The following R3HDM1 variants were observed in gnomAD, a reference collection of about 807,000 sequenced individuals.
The protein encoded by R3HDM1 is R3H domain containing 1, also known as R3H domain-containing protein 1.
A neutral mutation model predicts 141.1 loss-of-function variants in R3HDM1; 46 were observed. That is an observed-to-expected ratio of 0.33 (90% CI 0.26 to 0.42). The LOEUF is 0.42. Ranked by LOEUF, R3HDM1 falls within the 10% of genes least tolerant of loss-of-function variation. The pLI, the probability that R3HDM1 is intolerant of heterozygous loss-of-function variation, is 1.00. For missense variants in R3HDM1, 1,184 were observed against 1,368.3 expected, an observed-to-expected ratio of 0.87 and a Z score of 2.12; for synonymous variants, 435 against 472.9, an observed-to-expected ratio of 0.92 and a Z score of 1.04.
intron 20 of R3HDM1, 110 bp from the exon 21 acceptor site, chr2:135,680,063 G>C (rs895335755): frequency 9.9e-5 from 113 of 1,143,638 alleles, no homozygotes; most frequent in Admixed American, 4.4e-5. Context: ...CTGGGCAACA[G>C]AGCAAGAATT....
In R3HDM1 at chr2:135,643,015, A is replaced by G. The variant is rs75070503; in HGVS notation, c.1474+1225A>G. ...TCCTATTATTTTTCATTCAAAACAT[A>G]ATATGGTTTTGGTAACATGAAAGAT... On this transcript the variant is annotated intron_variant, in intron 15 of 26. Transcript: ENST00000683871. 1.8e-4 allele frequency among the ~76,000 whole-genome samples: 28 copies of G among 152,292 alleles called. 1 individual carries two copies. The East Asian group carries it at 5.4e-3, about 29-fold the overall frequency.
chr2:135,605,229 G>T, intron 3 of R3HDM1: 1 of 320,592 alleles, frequency 3.1e-6, no homozygotes, highest in Non-Finnish European at 5.7e-6. Context: ...TTTGTATGTG[G>T]CTAGTGCATT....
chr2:135,702,946 G>A lies in R3HDM1; in HGVS notation c.2460-6487G>A, dbSNP rs1455064782. Among the ~76,000 whole-genome samples the A allele has an allele frequency of 6.8e-4, 104 of 152,122 alleles. 1 individual carries two copies. Among genetic ancestry groups the A allele is most frequent in the Non-Finnish European group, 1.6e-4 (11 of 68,026 alleles). On this transcript the variant is annotated intron_variant, in intron 21 of 26. Transcript: ENST00000683871. ...AGCAGGTGTTTTCTATCACTTCATT[G>A]ACCCACTAAAGTGCTGTCTCTAACA...
intron 19 of R3HDM1, chr2:135,670,528 A>C (rs1375886732): frequency 1.9e-6 from 1 of 525,188 alleles, no homozygotes; most frequent in African/African-American, 2.1e-5. Context: ...AAAGATTTTG[A>C]AATAGTCTGT....
intron 19 of R3HDM1, among the ~76,000 whole-genome samples, chr2:135,671,157 T>G (rs1261452650): frequency 6.6e-6 from 1 of 150,962 alleles, no homozygotes; most frequent in East Asian, 1.9e-4. Flanking sequence ...CAGTTTGTAT[T>G]CTTTCTTTGA....
chr2:135,622,939 A>G (rs1003945366), intron 7 of R3HDM1: 66 of 981,840 alleles, frequency 6.7e-5, no homozygotes, highest in Non-Finnish European at 7.7e-5. Flanking sequence ...TGTCACCATG[A>G]TGTATGAATT....
chr2:135,621,781 A>G, intron 6 of R3HDM1, 173 bp downstream of exon 6: 4 of 971,834 alleles, frequency 4.1e-6, no homozygotes, highest in Non-Finnish European at 4.9e-6. Flanking sequence ...ACAGTTCCAT[A>G]TATCAGTAAG....
At chr2:135,632,761 G>C (rs1306371042) in intron 9 of R3HDM1, among the ~76,000 whole-genome samples, 1 of 152,202 alleles carries the variant, frequency 6.6e-6, no homozygotes, top group Non-Finnish European at 1.5e-5. Flanking sequence ...AGGAATTTCA[G>C]TTTGATATGA....
intron 1 of R3HDM1, chr2:135,543,121 A>G: frequency 1.6e-5 from 16 of 980,302 alleles, no homozygotes; most frequent in Non-Finnish European, 1.8e-5. Context: ...AGTCTCTGTA[A>G]TATGTAAAAT....
At chr2:135,607,137 C>T (rs573843546) in intron 3 of R3HDM1, 131 of 168,036 alleles carry the variant, frequency 7.8e-4, no homozygotes, top group African/African-American at 2.7e-3. Flanking sequence ...TACAGGCGTG[C>T]GCCACCATGC....
chr2:135,629,940 C>G (rs1242383136), intron 7 of R3HDM1, among the ~76,000 whole-genome samples: 1 of 151,732 alleles, frequency 6.6e-6, no homozygotes, highest in East Asian at 1.9e-4. Context: ...CTGTAGTAGT[C>G]AAGCCAGAAA....
intron 1 of R3HDM1, among the ~76,000 whole-genome samples, chr2:135,572,696 T>C (rs890184241): frequency 6.6e-6 from 1 of 152,174 alleles, no homozygotes; most frequent in Admixed American, 6.5e-5. Flanking sequence ...TCACAAAAAT[T>C]TGCATAATAC....
At chr2:135,590,596 G>C (rs1709035694) in intron 1 of R3HDM1, 1 of 985,354 alleles carries the variant, frequency 1.0e-6, no homozygotes. Context: ...AAAGCCATAG[G>C]AAGTTGAGCC....
At position 135,532,002 on chromosome 2, in the gene R3HDM1, A is replaced by C. The variant is rs1291415210; in HGVS notation, c.-250+369A>C. Reference sequence around the variant, plus strand: ...GGGGAAAGGTTTCCGAGTCCCTGCCATGGCTGCTGCTGCTGCCTCCGCGGC... The same window carrying C: ...GGGGAAAGGTTTCCGAGTCCCTGCCCTGGCTGCTGCTGCTGCCTCCGCGGC... On this transcript the variant is annotated intron_variant, in intron 1 of 26. Transcript: ENST00000683871. Among the ~76,000 whole-genome samples, 3 of 152,306 alleles carry C rather than the reference A, an allele frequency of 2.0e-5. No homozygotes were observed. In the East Asian group the frequency reaches 5.8e-4, roughly 29 times the overall value.
intron 23 of R3HDM1, among the ~76,000 whole-genome samples, chr2:135,712,818 G>A (rs2075801758): frequency 6.6e-6 from 1 of 152,082 alleles, no homozygotes; most frequent in Admixed American, 6.6e-5. Context: ...CTACTTGGGA[G>A]GCTGAGGCAG....
intron 5 of R3HDM1, among the ~76,000 whole-genome samples, chr2:135,617,602 A>G (rs2061160935): frequency 6.6e-6 from 1 of 152,146 alleles, no homozygotes; most frequent in African/African-American, 2.4e-5. Context: ...AGGTTTAGGC[A>G]AACCATTTAG....
At chr2:135,626,505 G>A (rs1047906182) in intron 7 of R3HDM1, among the ~76,000 whole-genome samples, 5 of 152,144 alleles carry the variant, frequency 3.3e-5, no homozygotes, top group African/African-American at 7.2e-5. Context: ...ACTAGTATGA[G>A]TAAAATAAGA....
intron 24 of R3HDM1, among the ~76,000 whole-genome samples, chr2:135,717,227 T>C (rs1341699181): frequency 6.6e-6 from 1 of 152,142 alleles, no homozygotes; most frequent in African/African-American, 2.4e-5. Flanking sequence ...CTCACGCCTG[T>C]AATCTCAGCA....
At chr2:135,607,116 G>A (rs959585600) in intron 3 of R3HDM1, 3 of 157,044 alleles carry the variant, frequency 1.9e-5, no homozygotes, top group African/African-American at 7.2e-5. Context: ...AGCCTCCCAA[G>A]TAGCTGGGAC....
Sources: allele counts gnomAD v4.1 joint callset (sites outside exome capture counted in the v4.1 genomes callset), GRCh38; gene constraint gnomAD v4.1.1; transcripts MANE v1.5; gene names NCBI Gene and HGNC (gene_info 2026-07-23, HGNC 2026-07-21).